Variants in PGLS observed in about 807,000 individuals in gnomAD.
PGLS encodes the protein 6-phosphogluconolactonase, also known as epididymis secretory protein Li 304.
PGLS carries 21 observed loss-of-function variants against 23.2 expected under a neutral mutation model. The observed-to-expected ratio is 0.91, with a 90% CI of 0.64 to 1.31. The LOEUF (loss-of-function observed/expected upper bound fraction) is 1.31. PGLS is among the 50% of genes most tolerant of loss of function. The pLI is 0.00. For missense variants in PGLS, 410 were observed against 354.0 expected, an observed-to-expected ratio of 1.16 and a Z score of -1.27; for synonymous variants, 179 against 165.4, an observed-to-expected ratio of 1.08 and a Z score of -0.63.
chr19:17,512,851 T>C (rs1450814048), intron 1 of PGLS: 1 of 152,166 alleles, frequency 6.6e-6, no homozygotes, highest in Non-Finnish European at 1.5e-5. Flanking sequence ...GTTTTGTGGG[T>C]TTTTTATTAA....
intron 4 of PGLS, 38 bp from the exon 5 acceptor site, chr19:17,520,906 C>G: frequency 1.3e-6 from 2 of 1,527,374 alleles, no homozygotes; most frequent in South Asian, 2.4e-5. Context: ...GGTGCCTGGG[C>G]CGCAGGCAGG....
chr19:17,517,329 C>A lies in PGLS; in HGVS notation c.438C>A (p.Ile146=), dbSNP rs2075537989. The A allele has an allele frequency of 6.2e-7, 1 of 1,614,040 alleles. No individual in the cohort carries two copies. The highest frequency in any genetic ancestry group is 1.1e-5 in the South Asian group (1 of 91,078). Residue 146 remains isoleucine, a synonymous_variant, in exon 3 of 5, where the codon ATC becomes ATA. Transcript: ENST00000252603. ...GDSIPVFDLL[I]LGVGPDGHTC... ...CCATCCCGGTTTTCGACCTGCTGAT[C>A]CTGGGGGTGGGCCCCGATGGTCACA...
At position 17,517,804 on chromosome 19, in the gene PGLS, C is replaced by G. The variant is rs1243657348; in HGVS notation, c.593C>G (p.Thr198Ser). 3.1e-6 allele frequency: 5 copies of G among 1,614,146 alleles called. No homozygotes were observed. In the South Asian group the frequency reaches 5.5e-5, roughly 18 times the overall value. Residue 198 changes from threonine (T) to serine (S), a missense_variant, in exon 4 of 5, where the codon ACT (threonine) becomes AGT (serine). Thr to Ser is a moderately conservative substitution (Grantham distance 58). Coordinates refer to ENST00000252603, the MANE Select transcript of PGLS (RefSeq NM_012088.3). ...CTACCTGTCCTGAATGCAGCACGAACTGTCATCTTTGTGGCAACTGGAGAA... is the reference window on the plus strand; with the variant it reads ...CTACCTGTCCTGAATGCAGCACGAAGTGTCATCTTTGTGGCAACTGGAGAA... ...LTLPVLNAAR[T>S]VIFVATGEGK...
intron 1 of PGLS, among the ~76,000 whole-genome samples, chr19:17,515,510 T>A (rs372825844): frequency 1.3e-5 from 2 of 152,138 alleles, no homozygotes; most frequent in East Asian, 3.8e-4. Flanking sequence ...GGCCAGGGCA[T>A]CTACTGTGCG....
intron 2 of PGLS, 86 bp from the exon 3 acceptor site, chr19:17,517,202 T>C (rs2075537413): frequency 1.2e-6 from 1 of 834,620 alleles, no homozygotes; most frequent in Non-Finnish European, 2.0e-6. Context: ...TGTATTTTTT[T>C]ATCTGACAAC....
intron 2 of PGLS, among the ~76,000 whole-genome samples, chr19:17,516,926 C>T (rs935662612): frequency 4.0e-5 from 6 of 151,044 alleles, no homozygotes; most frequent in Non-Finnish European, 7.4e-5. Flanking sequence ...ACTCTGTCAC[C>T]TAGGCTGGAG....
rs149404597 is a variant in PGLS, at chr19:17,511,768, C to T, written c.96C>T (p.Cys32=). Residue 32 remains cysteine (C), a synonymous_variant, in exon 1 of 5, where the codon TGC becomes TGT. Coordinates refer to ENST00000252603, the MANE Select transcript of PGLS (RefSeq NM_012088.3). Reference sequence around the variant, plus strand: ...AGCTGGTGGCCCAGCGCGCAGCATGCTGCCTGGCAGGGGCCCGCGCCCGTT... The same window carrying T: ...AGCTGGTGGCCCAGCGCGCAGCATGTTGCCTGGCAGGGGCCCGCGCCCGTT... ...LAQLVAQRAA[C]CLAGARARFA... is the part of the protein sequence containing the mutation. 2,287 of 1,498,738 alleles carry T rather than the reference C, an allele frequency of 1.5e-3. 6 individuals are homozygous for T. Among genetic ancestry groups the T allele is most frequent in the Non-Finnish European group, 1.6e-3 (1,772 of 1,131,350 alleles). The allele number at this position is 1,498,738 out of a possible 1,614,324, so 92.8% of individuals were successfully genotyped here.
intron 1 of PGLS, among the ~76,000 whole-genome samples, chr19:17,514,543 G>T (rs2162981): frequency 0.017 from 2,633 of 151,190 alleles, 66 homozygotes; most frequent in African/African-American, 0.061. Context: ...CCAGGCTGGA[G>T]TGCAGAGGCA....
chr19:17,520,904 G>A, intron 4 of PGLS, 40 bp from the exon 5 acceptor site: 1 of 1,524,488 alleles, frequency 6.6e-7, no homozygotes. Context: ...GCGGTGCCTG[G>A]GCCGCAGGCA....
rs760030653 is a variant in PGLS, at chr19:17,511,707, T to C, written c.35T>C (p.Phe12Ser). The C allele has an allele frequency of 6.6e-7, 1 of 1,509,636 alleles. No individual in the cohort carries two copies. The highest frequency in any genetic ancestry group is 1.2e-5 in the South Asian group (1 of 82,344). 93.5% of individuals were successfully genotyped at this position (1,509,636 alleles called of 1,614,324 possible). Residue 12 changes from phenylalanine to serine, a missense_variant, in exon 1 of 5, where the codon TTC becomes TCC. Transcript: ENST00000252603. ...CCGGCCCCGGGCCTCATCTCGGTGTTCTCGAGTTCCCAGGAGCTGGGTGCG... is the reference window on the plus strand; with the variant it reads ...CCGGCCCCGGGCCTCATCTCGGTGTCCTCGAGTTCCCAGGAGCTGGGTGCG... ...AAPAPGLISVFSSSQELGAAL... is the reference protein window; with the variant it reads ...AAPAPGLISVSSSSQELGAAL...
chr19:17,521,180 G>C lies in PGLS; in HGVS notation c.*99G>C, dbSNP rs961389628. 4.7e-6 allele frequency: 6 copies of C among 1,274,220 alleles called. No homozygotes were observed. Among genetic ancestry groups the C allele is most frequent in the Admixed American group, 3.0e-5 (1 of 33,884 alleles). 78.9% of individuals were successfully genotyped at this position (1,274,220 alleles called of 1,614,324 possible). A position where few individuals can be genotyped will look rare whatever the true frequency, so the allele number is the denominator to read the frequency against. ...CCGGGCTCTCCTTTCAAAAAGCCAC[G>C]TCGTGCTGCTGCTGGAAGCCAACAG... On this transcript the variant is annotated 3_prime_UTR_variant, in exon 5 of 5. Coordinates refer to ENST00000252603, the MANE Select transcript of PGLS (RefSeq NM_012088.3).
intron 4 of PGLS, among the ~76,000 whole-genome samples, chr19:17,519,873 C>T (rs1178410892): frequency 6.6e-6 from 1 of 152,108 alleles, no homozygotes; most frequent in Non-Finnish European, 1.5e-5. Flanking sequence ...CAGTATTAAA[C>T]AGTTACAGAC....
rs1489521735 is a variant in PGLS, at chr19:17,511,771, C to T, written c.99C>T (p.Cys33=). The stretch of plus-strand genomic sequence containing the variant: ...TGGTGGCCCAGCGCGCAGCATGCTG[C>T]CTGGCAGGGGCCCGCGCCCGTTTCG... The part of the protein sequence containing the change: ...AQLVAQRAAC[C]LAGARARFAL... Residue 33 remains cysteine (C), a synonymous_variant, in exon 1 of 5, where the codon TGC becomes TGT. Transcript: ENST00000252603. 7 of 1,499,090 alleles carry T rather than the reference C, an allele frequency of 4.7e-6. No individual in the cohort carries two copies. The highest frequency in any genetic ancestry group is 2.5e-5 in the South Asian group (2 of 79,976). 92.9% of individuals were successfully genotyped at this position (1,499,090 alleles called of 1,614,324 possible).
At chr19:17,514,476 T>A (rs1250745977) in intron 1 of PGLS, among the ~76,000 whole-genome samples, 2 of 151,798 alleles carry the variant, frequency 1.3e-5, no homozygotes, top group Non-Finnish European at 1.5e-5. Context: ...TCCTATACTT[T>A]CTTTTCTTTT....
At chr19:17,514,941 C>T (rs544821918) in intron 1 of PGLS, among the ~76,000 whole-genome samples, 36 of 152,198 alleles carry the variant, frequency 2.4e-4, no homozygotes, top group Non-Finnish European at 2.5e-4. Flanking sequence ...CATGAGCCAC[C>T]GTGCCAGGCC....
rs756046118 is a variant in PGLS, at chr19:17,517,801, G to T, written c.590G>T (p.Arg197Leu). 1 of 1,614,068 alleles carries T rather than the reference G, an allele frequency of 6.2e-7. No individual in the cohort carries two copies. Among genetic ancestry groups the T allele is most frequent in the South Asian group, 1.1e-5 (1 of 91,076 alleles). The change falls in exon 4 of 5, where the codon CGA (arginine) becomes CTA (leucine). Residue 197 changes from arginine to leucine, a missense_variant. By Grantham distance (102) the Arg-to-Leu change is moderately radical (BLOSUM62 -2). Transcript: ENST00000252603. Reference protein sequence around the residue: ...TLTLPVLNAARTVIFVATGEG... With the variant: ...TLTLPVLNAALTVIFVATGEG... Reference sequence around the variant, plus strand: ...ACACTACCTGTCCTGAATGCAGCACGAACTGTCATCTTTGTGGCAACTGGA... The same window carrying T: ...ACACTACCTGTCCTGAATGCAGCACTAACTGTCATCTTTGTGGCAACTGGA...
At position 17,511,759 on chromosome 19, in the gene PGLS, C is replaced by A. The variant is rs751784262; in HGVS notation, c.87C>A (p.Arg29=). The A allele has an allele frequency of 6.7e-7, 1 of 1,498,892 alleles. No individual in the cohort carries two copies. The highest frequency in any genetic ancestry group is 1.2e-5 in the South Asian group (1 of 80,590). 92.8% of individuals were successfully genotyped at this position (1,498,892 alleles called of 1,614,324 possible). A position where few individuals can be genotyped will look rare whatever the true frequency, so the allele number is the denominator to read the frequency against. The stretch of plus-strand genomic sequence containing the variant: ...CGCTAGCGCAGCTGGTGGCCCAGCG[C>A]GCAGCATGCTGCCTGGCAGGGGCCC... ...GAALAQLVAQ[R]AACCLAGARA... Residue 29 remains arginine, a synonymous_variant, in exon 1 of 5, where the codon CGC becomes CGA. Coordinates refer to ENST00000252603, the MANE Select transcript of PGLS (RefSeq NM_012088.3).
At chr19:17,516,419 C>T (rs910992664) in intron 2 of PGLS, 139 bp downstream of exon 2, 277 of 1,434,880 alleles carry the variant, frequency 1.9e-4, no homozygotes, top group Non-Finnish European at 2.3e-4. Flanking sequence ...ATCCCCTCTT[C>T]GAGGCCACAG....
At chr19:17,518,001 A>G in intron 4 of PGLS, 151 bp downstream of exon 4, 1 of 608,500 alleles carries the variant, frequency 1.6e-6, no homozygotes, top group Non-Finnish European at 2.4e-6. Context: ...TTGCAATTAG[A>G]AAAAAAGGAA....
Sources: gnomAD v4.1 joint callset for allele counts (sites outside exome capture counted in the v4.1 genomes callset) on GRCh38, gnomAD v4.1.1 for gene constraint, MANE v1.5 for transcripts, NCBI Gene and HGNC (gene_info 2026-07-23, HGNC 2026-07-21) for gene names.